DPP6: variants seen among roughly 807,000 people sequenced by gnomAD.
DPP6 encodes the protein A-type potassium channel modulatory protein DPP6.
Under a neutral mutation model 122.6 loss-of-function variants are expected in DPP6, and 69 were observed. That is an observed-to-expected ratio of 0.56 (90% CI 0.46 to 0.69). The LOEUF is 0.69. Ranked by LOEUF, DPP6 falls within the 30% of genes least tolerant of loss-of-function variation. The pLI, the probability that DPP6 is intolerant of heterozygous loss-of-function variation, is 0.00. For synonymous variants in DPP6, 418 were observed against 433.1 expected (o/e 0.97, Z 0.43); for missense variants, 928 against 1,116.9 (o/e 0.83, Z 2.41).
At position 154,457,132 on chromosome 7, in the gene DPP6, G is replaced by C. The variant is rs558334975; in HGVS notation, c.358+10804G>C. Reference sequence around the variant, plus strand: ...TTATTGAGAGTTTTTAGCATGAAGGGTTGTTGAATTTTGTCAAAAGTGGGC... The same window carrying C: ...TTATTGAGAGTTTTTAGCATGAAGGCTTGTTGAATTTTGTCAAAAGTGGGC... On this transcript the variant is annotated intron_variant, in intron 2 of 25. Transcript: ENST00000377770. 3.5e-4 allele frequency among the ~76,000 whole-genome samples: 26 copies of C among 75,360 alleles called. 10 individuals are homozygous for C. In the South Asian group the frequency reaches 0.015, roughly 43 times the overall value. The allele number at this position is 75,360 out of a possible 152,430, so 49.4% of individuals were successfully genotyped here. A position where few individuals can be genotyped will look rare whatever the true frequency, so the allele number is the denominator to read the frequency against.
chr7:154,299,553 G>A (rs1387587184), intron 1 of DPP6, among the ~76,000 whole-genome samples: 4 of 152,246 alleles, frequency 2.6e-5, no homozygotes, highest in Middle Eastern at 3.4e-3. Flanking sequence ...AGTTTCTTTG[G>A]ATCCTGGCAT....
At chr7:153,982,098 A>G (rs1400568128) in intron 1 of DPP6, among the ~76,000 whole-genome samples, 5 of 152,068 alleles carry the variant, frequency 3.3e-5, no homozygotes, top group African/African-American at 1.2e-4. Flanking sequence ...CTGCCTTGCT[A>G]GGTTGGGGAA....
intron 1 of DPP6, among the ~76,000 whole-genome samples, chr7:154,128,034 A>G (rs1808065463): frequency 6.7e-6 from 1 of 150,044 alleles, no homozygotes; most frequent in African/African-American, 2.5e-5. Context: ...GAACGTCTCC[A>G]CAGAGGGATG....
chr7:154,879,415 C>T lies in DPP6; in HGVS notation c.2079-1473C>T, dbSNP rs1245375262. On this transcript the variant is annotated intron_variant, in intron 20 of 25. Transcript: ENST00000377770. ...CTAACACGGTGAAACCCCGTCTCTA[C>T]TAAAAAAAAAAAAAAATACAAAAAA... Among the ~76,000 whole-genome samples the T allele has an allele frequency of 4.8e-5, 4 of 83,940 alleles. 1 individual carries two copies. The East Asian group carries it at 1.5e-3, about 31-fold the overall frequency. The allele number at this position is 83,940 out of a possible 152,430, so 55.1% of individuals were successfully genotyped here.
At chr7:154,052,186 C>T (rs1380437568), upstream of DPP6, among the ~76,000 whole-genome samples, 1 of 151,624 alleles carries the variant, frequency 6.6e-6, no homozygotes, top group Non-Finnish European at 1.5e-5. The surrounding 1 kb of genome is among the most constrained non-coding windows in gnomAD (Gnocchi z 4.8). Context: ...CGCCCCCGCA[C>T]CCACGACCCG....
At chr7:154,304,630 G>C (rs1012510304) in intron 1 of DPP6, among the ~76,000 whole-genome samples, 3 of 152,026 alleles carry the variant, frequency 2.0e-5, no homozygotes, top group African/African-American at 7.2e-5. Flanking sequence ...TGAGGTCCTG[G>C]TTGATTTTCT....
chr7:154,214,652 C>G (rs1368596104), intron 1 of DPP6, among the ~76,000 whole-genome samples: 1 of 152,200 alleles, frequency 6.6e-6, no homozygotes, highest in Non-Finnish European at 1.5e-5. Flanking sequence ...CATGGTGGCT[C>G]ACACCTGTAA....
chr7:154,648,045 G>C (rs1177931282), intron 6 of DPP6, among the ~76,000 whole-genome samples: 1 of 151,370 alleles, frequency 6.6e-6, no homozygotes, highest in Non-Finnish European at 1.5e-5. Context: ...GAGGTCAGGA[G>C]TTCGAGACCA....
intron 1 of DPP6, among the ~76,000 whole-genome samples, chr7:153,979,227 T>G (rs1001124567): frequency 2.3e-4 from 35 of 152,202 alleles, no homozygotes; most frequent in Non-Finnish European, 4.0e-4. Flanking sequence ...CCTTGAGAAG[T>G]GGTTTGTAGT....
intron 16 of DPP6, among the ~76,000 whole-genome samples, chr7:154,811,257 A>G (rs982125692): frequency 2.0e-4 from 30 of 152,232 alleles, no homozygotes; most frequent in Admixed American, 6.5e-5. Context: ...GTACATGGGG[A>G]GACAGGAGCA....
intron 1 of DPP6, among the ~76,000 whole-genome samples, chr7:154,420,929 T>C (rs1254283577): frequency 6.6e-6 from 1 of 152,202 alleles, no homozygotes; most frequent in Non-Finnish European, 1.5e-5. Flanking sequence ...CATTTTGCAC[T>C]TAAATCTGTT....
At chr7:153,793,718 G>A in the DPP6 span, among the ~76,000 whole-genome samples, 2,429 of 135,122 alleles carry the variant, frequency 0.018, 42 homozygotes, top group African/African-American at 0.066. Flanking sequence ...AGGTCCAGAG[G>A]CCTAGAAGAA....
intron 5 of DPP6, among the ~76,000 whole-genome samples, chr7:154,614,995 A>G (rs540444261): frequency 1.5e-4 from 23 of 152,320 alleles, no homozygotes; most frequent in Non-Finnish European, 2.9e-4. Flanking sequence ...AGTGCAGGCT[A>G]CGTTGGGCGC....
intron 2 of DPP6, among the ~76,000 whole-genome samples, chr7:154,450,091 T>C (rs956015822): frequency 6.6e-6 from 1 of 152,004 alleles, no homozygotes; most frequent in African/African-American, 2.4e-5. Flanking sequence ...ACTCCTCCAC[T>C]GTAAAAAGGA....
chr7:154,217,036 G>A (rs994979230), intron 1 of DPP6, among the ~76,000 whole-genome samples: 1 of 151,690 alleles, frequency 6.6e-6, no homozygotes, highest in African/African-American at 2.4e-5. Context: ...TGAGAGAAAT[G>A]CTTACCTTGT....
At chr7:154,425,613 T>G (rs373162738) in intron 1 of DPP6, among the ~76,000 whole-genome samples, 47 of 130,350 alleles carry the variant, frequency 3.6e-4, no homozygotes, top group Middle Eastern at 7.3e-3. Context: ...AATGTGTGTG[T>G]GTGTGTGGGT....
chr7:154,331,318 AT>A (rs1808916378), intron 1 of DPP6, among the ~76,000 whole-genome samples: 2 of 152,070 alleles, frequency 1.3e-5, no homozygotes, highest in Admixed American at 1.3e-4. Flanking sequence ...TGTAAGATTT[AT>A]TTTTCTCTAT....
chr7:154,035,253 G>A (rs140180852), intron 1 of DPP6, among the ~76,000 whole-genome samples: 10 of 152,218 alleles, frequency 6.6e-5, no homozygotes, highest in South Asian at 2.1e-4. Context: ...GGCTCCGTTC[G>A]TAAAGAACTA....
chr7:154,551,314 TC>T (rs1829618565), intron 4 of DPP6, among the ~76,000 whole-genome samples: 1 of 152,208 alleles, frequency 6.6e-6, no homozygotes, highest in South Asian at 2.1e-4. Flanking sequence ...GCAGTTTCTC[TC>T]TTTTTTGGGG....
Sources: gnomAD v4.1 joint callset for allele counts (sites outside exome capture counted in the v4.1 genomes callset) on GRCh38, gnomAD v4.1.1 for gene constraint, Gnocchi (gnomAD v3.1) non-coding constraint, MANE v1.5 for transcripts, NCBI Gene and HGNC (gene_info 2026-07-23, HGNC 2026-07-21) for gene names.